CSMD1: variants seen among roughly 807,000 people sequenced by gnomAD.
CSMD1 encodes CUB and sushi domain-containing protein 1.
In CSMD1, 213 loss-of-function variants were observed where a neutral mutation model predicts 417.5. The observed-to-expected ratio is 0.51, with a 90% CI of 0.46 to 0.57. The LOEUF is 0.57. Ranked by LOEUF, CSMD1 falls within the 20% of genes least tolerant of loss-of-function variation. The pLI, the probability that CSMD1 is intolerant of heterozygous loss-of-function variation, is 0.00. For missense variants in CSMD1, 6,923 were observed against 4,529.7 expected (o/e 1.53, Z -15.17); for synonymous variants, 2,862 against 1,736.8 (o/e 1.65, Z -16.11).
intron 10 of CSMD1, among the ~76,000 whole-genome samples, chr8:3,499,316 T>C (rs1371277472): frequency 6.6e-6 from 1 of 152,078 alleles, no homozygotes; most frequent in African/African-American, 2.4e-5. Context: ...TTTGTGGAAG[T>C]GTTGGTTCAG....
In CSMD1 at chr8:4,413,128, T is replaced by C. The variant is rs76000541; in HGVS notation, c.415+6825A>G. On this transcript the variant is annotated intron_variant, in intron 3 of 69. Coordinates refer to ENST00000635120, the MANE Select transcript of CSMD1 (RefSeq NM_033225.6). Reference sequence around the variant, plus strand: ...CCTCAAATTAAGAAAGATGGATATATAGAATATGGACAGTCTCACAGTGGA... The same window carrying C: ...CCTCAAATTAAGAAAGATGGATATACAGAATATGGACAGTCTCACAGTGGA... 5.0e-3 allele frequency among the ~76,000 whole-genome samples: 754 copies of C among 152,286 alleles called. 4 individuals are homozygous for C. Among genetic ancestry groups the C allele is most frequent in the African/African-American group, 0.018 (732 of 41,550 alleles).
chr8:4,242,464 A>G (rs1802459141), intron 3 of CSMD1, among the ~76,000 whole-genome samples: 2 of 152,210 alleles, frequency 1.3e-5, no homozygotes, highest in African/African-American at 4.8e-5. Context: ...TATTGTTGTG[A>G]GCATAAATTA....
intron 3 of CSMD1, among the ~76,000 whole-genome samples, chr8:4,055,007 T>C (rs1312849570): frequency 6.6e-6 from 1 of 152,190 alleles, no homozygotes; most frequent in African/African-American, 2.4e-5. Flanking sequence ...CATATAAATG[T>C]GTGTGAAGAA....
chr8:3,919,546 A>G (rs1809081640), intron 5 of CSMD1, among the ~76,000 whole-genome samples: 1 of 152,088 alleles, frequency 6.6e-6, no homozygotes, highest in Non-Finnish European at 1.5e-5. Context: ...GATTGGTAAT[A>G]TAATTTGATA....
chr8:3,986,841 T>C (rs1257437368), intron 5 of CSMD1, among the ~76,000 whole-genome samples: 2 of 152,114 alleles, frequency 1.3e-5, no homozygotes, highest in Non-Finnish European at 2.9e-5. Flanking sequence ...CTGCAATCTC[T>C]GCTCCCAGGT....
chr8:3,145,574 C>T (rs1288973905), intron 40 of CSMD1, among the ~76,000 whole-genome samples: 1 of 152,038 alleles, frequency 6.6e-6, no homozygotes, highest in East Asian at 1.9e-4. Flanking sequence ...CCATTTTAAG[C>T]AGGATAAATT....
rs1403056308 is a variant in CSMD1, at chr8:3,940,520, TG to T, written c.818+57382del. Among the ~76,000 whole-genome samples the T allele has an allele frequency of 7.9e-3, 1,202 of 151,348 alleles. 47 individuals carry two copies. The East Asian group carries it at 0.11, about 13-fold the overall frequency. Reference sequence around the variant, plus strand: ...CTCTGTGTGTGTGTGTGTGTGTGTGTGTGTGTGTGTGTGTGTATGTATGTGT... The same window carrying T: ...CTCTGTGTGTGTGTGTGTGTGTGTGTTGTGTGTGTGTGTGTATGTATGTGT... On this transcript the variant is annotated intron_variant, in intron 5 of 69. Transcript: ENST00000635120.
At chr8:4,833,129 G>C (rs888401427) in intron 1 of CSMD1, among the ~76,000 whole-genome samples, 2 of 152,110 alleles carry the variant, frequency 1.3e-5, no homozygotes, top group African/African-American at 2.4e-5. Context: ...GTCATTCTGA[G>C]AGTAAAATTG....
chr8:4,378,742 A>G (rs950292852), intron 3 of CSMD1, among the ~76,000 whole-genome samples: 2 of 152,084 alleles, frequency 1.3e-5, no homozygotes, highest in Non-Finnish European at 2.9e-5. Flanking sequence ...CCTTTGGGAG[A>G]TTATGAGGTT....
At chr8:4,793,740 TG>T (rs1392094066) in intron 1 of CSMD1, among the ~76,000 whole-genome samples, 1 of 151,522 alleles carries the variant, frequency 6.6e-6, no homozygotes, top group Non-Finnish European at 1.5e-5. Context: ...TGACATTCAT[TG>T]GGATGTGGAC....
At position 3,892,831 on chromosome 8, in the gene CSMD1, A is replaced by G. The variant is rs150341996; in HGVS notation, c.818+105072T>C. On this transcript the variant is annotated intron_variant, in intron 5 of 69. Transcript: ENST00000635120. Reference sequence around the variant, plus strand: ...CAGGTGAGCCATGACGCCCAAGTGCAGGTTCTGAGAATGTGTTCCACGGGC... The same window carrying G: ...CAGGTGAGCCATGACGCCCAAGTGCGGGTTCTGAGAATGTGTTCCACGGGC... Among the ~76,000 whole-genome samples, 547 of 150,824 alleles carry G rather than the reference A, an allele frequency of 3.6e-3. 6 individuals carry two copies. Among genetic ancestry groups the G allele is most frequent in the African/African-American group, 7.8e-3 (319 of 41,046 alleles).
At chr8:4,863,866 C>A (rs1040199296) in intron 1 of CSMD1, among the ~76,000 whole-genome samples, 10 of 151,828 alleles carry the variant, frequency 6.6e-5, no homozygotes, top group Non-Finnish European at 1.0e-4. Flanking sequence ...TGATTTTATT[C>A]TGCCTTCACA....
intron 39 of CSMD1, among the ~76,000 whole-genome samples, chr8:3,153,525 A>G (rs569777948): frequency 6.6e-6 from 1 of 152,350 alleles, no homozygotes; most frequent in East Asian, 1.9e-4. Context: ...ACACGAATGA[A>G]AAAGGCCGAA....
In CSMD1 at chr8:3,415,544, C is replaced by T. The variant is rs142366921; in HGVS notation, c.1562-5939G>A. On this transcript the variant is annotated intron_variant, in intron 12 of 69. Coordinates refer to ENST00000635120, the MANE Select transcript of CSMD1 (RefSeq NM_033225.6). ...AGGTAATTTTTGTATTTTTTAGCAG[C>T]GATGGAGTTTCACCATGTTGGCCAC... Among the ~76,000 whole-genome samples, 1,237 of 152,154 alleles carry T rather than the reference C, an allele frequency of 8.1e-3. 17 individuals carry two copies. Among genetic ancestry groups the T allele is most frequent in the African/African-American group, 0.029 (1,188 of 41,522 alleles).
chr8:3,725,875 T>A (rs1309280997), intron 6 of CSMD1, among the ~76,000 whole-genome samples: 1 of 152,156 alleles, frequency 6.6e-6, no homozygotes, highest in Non-Finnish European at 1.5e-5. Flanking sequence ...CTACCATTAT[T>A]AAACATGCCC....
chr8:4,239,906 G>C (rs763141187), intron 3 of CSMD1, among the ~76,000 whole-genome samples: 1 of 152,144 alleles, frequency 6.6e-6, no homozygotes, highest in South Asian at 2.1e-4. Flanking sequence ...ATTTGCATAA[G>C]TAAAATAGAG....
intron 3 of CSMD1, among the ~76,000 whole-genome samples, chr8:4,219,615 C>T (rs1395521639): frequency 6.6e-6 from 1 of 152,094 alleles, no homozygotes; most frequent in Non-Finnish European, 1.5e-5. Flanking sequence ...ACCCAAAAAA[C>T]ACTATATCAC....
At chr8:4,358,831 T>A (rs926024071) in intron 3 of CSMD1, among the ~76,000 whole-genome samples, 1 of 152,170 alleles carries the variant, frequency 6.6e-6, no homozygotes, top group African/African-American at 2.4e-5. Context: ...AAGAGTGCCT[T>A]GGTTTCAGTG....
intron 54 of CSMD1, among the ~76,000 whole-genome samples, chr8:2,988,521 G>C (rs778729852): frequency 2.0e-5 from 3 of 152,154 alleles, no homozygotes; most frequent in Non-Finnish European, 4.4e-5. Context: ...GTTTAGAATA[G>C]GGGACAAAGT....
Sources: gnomAD v4.1 joint callset for allele counts (sites outside exome capture counted in the v4.1 genomes callset) on GRCh38, gnomAD v4.1.1 for gene constraint, MANE v1.5 for transcripts, NCBI Gene and HGNC (gene_info 2026-07-23, HGNC 2026-07-21) for gene names.